Variants in RFX3 observed in about 807,000 individuals in gnomAD.
The protein encoded by RFX3 is regulatory factor X3.
RFX3 carries 14 observed loss-of-function variants against 98.6 expected under a neutral mutation model. The observed-to-expected ratio is 0.14, with a 90% CI of 0.09 to 0.22. The LOEUF is 0.22. Among genes scored for constraint, RFX3 ranks in the 10% least tolerant of loss-of-function variants. The pLI, the probability that RFX3 is intolerant of heterozygous loss-of-function variation, is 1.00. For synonymous variants in RFX3, 383 were observed against 328.4 expected (o/e 1.17, Z -1.80); for missense variants, 639 against 926.9 (o/e 0.69, Z 4.03).
intron 4 of RFX3, among the ~76,000 whole-genome samples, chr9:3,320,112 T>A (rs1333522114): frequency 1.3e-5 from 2 of 152,178 alleles, no homozygotes; most frequent in East Asian, 1.9e-4. Context: ...CTACATGCAT[T>A]TGGGGAATAT....
chr9:3,471,686 A>C (rs1020557530), intron 1 of RFX3, among the ~76,000 whole-genome samples: 4 of 152,258 alleles, frequency 2.6e-5, no homozygotes, highest in African/African-American at 9.6e-5. Flanking sequence ...ATCAAGAATA[A>C]GGTGGCTAGT....
rs570389078 is a variant in RFX3 at position 3,348,006 on chromosome 9, C to T, written c.118-1242G>A. ...TTAAAATTTCCCTGATGAGTCCAATCACTATAGTATTGGTTTTTTCAAAGT... is the reference window on the plus strand; with the variant it reads ...TTAAAATTTCCCTGATGAGTCCAATTACTATAGTATTGGTTTTTTCAAAGT... On this transcript the variant is annotated intron_variant, in intron 2 of 16. Transcript: ENST00000617270. Among the ~76,000 whole-genome samples, 50 of 152,264 alleles carry T rather than the reference C, an allele frequency of 3.3e-4. 1 individual carries two copies. In the South Asian group the frequency reaches 0.01, roughly 31 times the overall value.
In RFX3 at chr9:3,266,311, C is replaced by G. The variant is rs1396425564; in HGVS notation, c.1358-6G>C. 3.8e-6 allele frequency: 6 copies of G among 1,585,622 alleles called. No homozygotes were observed. In the Admixed American group the frequency reaches 1.0e-4, roughly 27 times the overall value. On this transcript the variant is annotated splice_region_variant and splice_polypyrimidine_tract_variant and intron_variant, in intron 11 of 16. Transcript: ENST00000617270. ...AATGGCTTGGGTCAAGGCACCTAAACATTAAAGAATAAAAGCAGGATAAAA... is the reference window on the plus strand; with the variant it reads ...AATGGCTTGGGTCAAGGCACCTAAAGATTAAAGAATAAAAGCAGGATAAAA...
At chr9:3,316,096 C>T (rs762706475) in intron 4 of RFX3, among the ~76,000 whole-genome samples, 11 of 152,150 alleles carry the variant, frequency 7.2e-5, no homozygotes, top group Non-Finnish European at 1.3e-4. Context: ...AGATCAATAT[C>T]GCTGATGAAC....
chr9:3,293,348 T>G, intron 5 of RFX3, 90 bp from the exon 6 acceptor site: 2 of 899,356 alleles, frequency 2.2e-6, no homozygotes, highest in Non-Finnish European at 3.3e-6. Context: ...ACAGAAATAC[T>G]TAGAAGTTCT....
At chr9:3,292,348 T>G (rs1376137279) in intron 6 of RFX3, among the ~76,000 whole-genome samples, 1 of 152,122 alleles carries the variant, frequency 6.6e-6, no homozygotes, top group African/African-American at 2.4e-5. Context: ...TTTTGGTTAG[T>G]GAAAACACTC....
intron 4 of RFX3, among the ~76,000 whole-genome samples, chr9:3,318,189 A>G (rs1364326525): frequency 1.3e-5 from 2 of 152,166 alleles, no homozygotes; most frequent in Non-Finnish European, 2.9e-5. Flanking sequence ...ATACTATGCA[A>G]CCATAAAAAA....
intron 1 of RFX3, among the ~76,000 whole-genome samples, chr9:3,480,984 C>T (rs943741454): frequency 6.6e-6 from 1 of 152,104 alleles, no homozygotes; most frequent in Non-Finnish European, 1.5e-5. Flanking sequence ...TGCTAAATGA[C>T]TACCACAGCA....
chr9:3,316,685 C>T (rs201730774), intron 4 of RFX3, among the ~76,000 whole-genome samples: 1 of 152,184 alleles, frequency 6.6e-6, no homozygotes, highest in African/African-American at 2.4e-5. Flanking sequence ...AAGTCTCAGG[C>T]TACAAAATCA....
At chr9:3,488,041 T>C (rs763789078) in intron 1 of RFX3, among the ~76,000 whole-genome samples, 1 of 152,162 alleles carries the variant, frequency 6.6e-6, no homozygotes, top group African/African-American at 2.4e-5. Context: ...TACTGTTCTA[T>C]AGGCTAGGCA....
At chr9:3,491,278 A>G (rs1342229560) in intron 1 of RFX3, among the ~76,000 whole-genome samples, 2 of 152,156 alleles carry the variant, frequency 1.3e-5, no homozygotes, top group South Asian at 4.1e-4. Context: ...TATTTAGGTG[A>G]TAACAAACCA....
chr9:3,412,811 A>G (rs1212040430), intron 1 of RFX3, among the ~76,000 whole-genome samples: 1 of 152,214 alleles, frequency 6.6e-6, no homozygotes, highest in Non-Finnish European at 1.5e-5. Flanking sequence ...AAAATTATTG[A>G]TGCTGGCAAT....
At chr9:3,455,728 T>G (rs573850011) in intron 1 of RFX3, among the ~76,000 whole-genome samples, 1 of 152,330 alleles carries the variant, frequency 6.6e-6, no homozygotes, top group South Asian at 2.1e-4. Context: ...ACACAAAAGT[T>G]ATGTTAGGAA....
chr9:3,480,592 T>C (rs1849663081), intron 1 of RFX3, among the ~76,000 whole-genome samples: 1 of 152,132 alleles, frequency 6.6e-6, no homozygotes, highest in Admixed American at 6.6e-5. Flanking sequence ...CAAGAAACTA[T>C]AAAATGGCTA....
intron 11 of RFX3, 86 bp downstream of exon 11, chr9:3,270,285 T>G: frequency 7.6e-7 from 1 of 1,321,664 alleles, no homozygotes; most frequent in Non-Finnish European, 1.0e-6. Context: ...ATTAGAATCA[T>G]TCTAGATTGC....
At chr9:3,415,281 C>A (rs959560341) in intron 1 of RFX3, among the ~76,000 whole-genome samples, 1 of 149,400 alleles carries the variant, frequency 6.7e-6, no homozygotes, top group Non-Finnish European at 1.5e-5. Context: ...GTGGTGCAAT[C>A]ATGATTCACT....
intron 1 of RFX3, among the ~76,000 whole-genome samples, chr9:3,448,611 T>C (rs953263092): frequency 6.6e-6 from 1 of 152,184 alleles, no homozygotes; most frequent in Non-Finnish European, 1.5e-5. Flanking sequence ...AACTCCTTCC[T>C]AGTCTCAAGT....
chr9:3,408,581 A>ATCTCTG, intron 1 of RFX3, among the ~76,000 whole-genome samples: 1 of 150,942 alleles, frequency 6.6e-6, no homozygotes, highest in East Asian at 2.0e-4. Context: ...TGTAAGAGTT[A>ATCTCTG]TCTCTGTCTC....
At chr9:3,504,233 T>C (rs1195302784) in intron 1 of RFX3, among the ~76,000 whole-genome samples, 1 of 134,206 alleles carries the variant, frequency 7.5e-6, no homozygotes, top group Non-Finnish European at 1.5e-5. Flanking sequence ...TTATATACTA[T>C]ATATTATATA....
Sources: gnomAD v4.1 joint callset for allele counts (sites outside exome capture counted in the v4.1 genomes callset) on GRCh38, gnomAD v4.1.1 for gene constraint, MANE v1.5 for transcripts, NCBI Gene and HGNC (gene_info 2026-07-23, HGNC 2026-07-21) for gene names.